PHGDH: variants seen among roughly 807,000 people sequenced by gnomAD.
The protein encoded by PHGDH is D-3-phosphoglycerate dehydrogenase.
Under a neutral mutation model 52.6 loss-of-function variants are expected in PHGDH, and 50 were observed. The ratio of observed to expected loss-of-function variants is 0.95; its 90% CI spans 0.76 to 1.20. The LOEUF is 1.20. Among genes scored for constraint, PHGDH ranks in the 50% most tolerant of loss-of-function variants. The probability of loss-of-function intolerance (pLI) is 0.00; values close to 1 mark genes in which losing one functional copy is unlikely to be tolerated. For missense variants in PHGDH, 630 were observed against 684.6 expected, an observed-to-expected ratio of 0.92 and a Z score of 0.89; for synonymous variants, 271 against 280.5, an observed-to-expected ratio of 0.97 and a Z score of 0.34.
chr1:119,713,680 CT>C (rs1335847153), intron 1 of PHGDH, among the ~76,000 whole-genome samples: 2 of 152,158 alleles, frequency 1.3e-5, no homozygotes, highest in Non-Finnish European at 2.9e-5. Flanking sequence ...CTGTCACCTC[CT>C]TTCTTGTGTG....
intron 3 of PHGDH, among the ~76,000 whole-genome samples, chr1:119,724,072 C>T (rs1651288134): frequency 6.6e-6 from 1 of 152,130 alleles, no homozygotes; most frequent in Non-Finnish European, 1.5e-5. Flanking sequence ...GTGGATGGGG[C>T]AGCCTAGAAA....
intron 5 of PHGDH, among the ~76,000 whole-genome samples, chr1:119,728,894 T>G (rs587625667): frequency 1.3e-4 from 20 of 152,324 alleles, no homozygotes; most frequent in African/African-American, 4.1e-4. Context: ...GAACTCTCCC[T>G]TTTTCTACAT....
At chr1:119,728,454 T>C (rs6668589) in intron 5 of PHGDH, among the ~76,000 whole-genome samples, 44,545 of 152,164 alleles carry the variant, frequency 0.29, 6,704 homozygotes, top group African/African-American at 0.34. Flanking sequence ...CACTATGATA[T>C]GATTGTAGAG....
chr1:119,726,958 C>G lies in PHGDH; in HGVS notation c.412-46C>G, dbSNP rs1230199331. On this transcript the variant is annotated intron_variant, in intron 4 of 11. Coordinates refer to ENST00000641023, the MANE Select transcript of PHGDH (RefSeq NM_006623.4). Reference sequence around the variant, plus strand: ...CTGGGCTCAGGGCCCGGGGTCCACTCATGTTGCTGACTTCAGCTTCTTTCC... The same window carrying G: ...CTGGGCTCAGGGCCCGGGGTCCACTGATGTTGCTGACTTCAGCTTCTTTCC... The G allele has an allele frequency of 1.9e-6, 3 of 1,605,314 alleles. No homozygotes were observed. In the African/African-American group the frequency reaches 4.0e-5, roughly 21 times the overall value.
chr1:119,716,826 C>T (rs1182564481), intron 1 of PHGDH, among the ~76,000 whole-genome samples: 1 of 152,118 alleles, frequency 6.6e-6, no homozygotes, highest in Non-Finnish European at 1.5e-5. Context: ...TGCTTACCCA[C>T]CCACTGCCCA....
chr1:119,735,024 C>T, intron 6 of PHGDH: 1 of 621,190 alleles, frequency 1.6e-6, no homozygotes, highest in South Asian at 1.9e-5. Flanking sequence ...GCAGCCCCTG[C>T]AGGGCTTTCT....
intron 10 of PHGDH, 150 bp downstream of exon 10, chr1:119,742,047 C>G: frequency 2.9e-6 from 2 of 685,982 alleles, no homozygotes; most frequent in Non-Finnish European, 5.2e-6. Context: ...GTTTCTTCAA[C>G]TGCAAAATGA....
chr1:119,727,146 A>T, intron 5 of PHGDH, 44 bp downstream of exon 5: 1 of 1,240,774 alleles, frequency 8.1e-7, no homozygotes, highest in African/African-American at 1.5e-5. Context: ...TTTCTGCAGC[A>T]ATTTTGGGAA....
intron 5 of PHGDH, among the ~76,000 whole-genome samples, chr1:119,732,546 T>TC (rs1651743459): frequency 6.6e-6 from 1 of 152,160 alleles, no homozygotes; most frequent in African/African-American, 2.4e-5. Flanking sequence ...CAGTGTTGTC[T>TC]CCTAGTGTCG....
intron 1 of PHGDH, among the ~76,000 whole-genome samples, chr1:119,717,220 G>A (rs368946265): frequency 5.3e-5 from 4 of 75,368 alleles, no homozygotes; most frequent in African/African-American, 2.2e-4. Flanking sequence ...CAATAAGAGT[G>A]AAACTCTGTC....
chr1:119,719,123 G>A (rs182221569), intron 1 of PHGDH, among the ~76,000 whole-genome samples: 1 of 152,232 alleles, frequency 6.6e-6, no homozygotes, highest in East Asian at 1.9e-4. Context: ...AGGCTGCTAT[G>A]GGGGGAAATC....
Position 119,712,041 on chromosome 1 carries a change from C to A in PHGDH, c.19C>A (p.Arg7=). 1.2e-6 allele frequency: 2 copies of A among 1,614,084 alleles called. No individual in the cohort carries two copies. The highest frequency in any genetic ancestry group is 2.2e-5 in the South Asian group (2 of 91,066). ...TCCAGCAATGGCTTTTGCAAATCTG[C>A]GGAAAGTGCTCATCAGTGACAGCCT... MAFANL[R]KVLISDSLDP... The change falls in exon 1 of 12, where the codon CGG becomes AGG. Residue 7 remains arginine, a synonymous_variant. Coordinates refer to ENST00000641023, the MANE Select transcript of PHGDH (RefSeq NM_006623.4).
intron 9 of PHGDH, among the ~76,000 whole-genome samples, 159 bp downstream of exon 9, chr1:119,740,677 G>A (rs2101217275): frequency 6.6e-6 from 1 of 152,214 alleles, no homozygotes; most frequent in East Asian, 1.9e-4. Flanking sequence ...CTGGTGGGAG[G>A]GTGGTAAAGG....
chr1:119,738,573 C>T (rs185723106), intron 8 of PHGDH, among the ~76,000 whole-genome samples: 46 of 152,348 alleles, frequency 3.0e-4, no homozygotes, highest in African/African-American at 1.1e-3. Flanking sequence ...AGATGCTGCT[C>T]GTTTCCCAGG....
chr1:119,743,017 G>A lies in PHGDH; in HGVS notation c.1420G>A (p.Asp474Asn), dbSNP rs749952154. The A allele has an allele frequency of 6.2e-7, 1 of 1,612,838 alleles. No individual in the cohort carries two copies. The change falls in exon 11 of 12, where the codon GAC becomes AAC. Residue 474 changes from aspartate to asparagine, a missense_variant. Coordinates refer to ENST00000641023, the MANE Select transcript of PHGDH (RefSeq NM_006623.4). ...GCTCCTATTCCGGACTCAGACCTCTGACCCTGCAATGCTGCCTACCATGAT... is the reference window on the plus strand; with the variant it reads ...GCTCCTATTCCGGACTCAGACCTCTAACCCTGCAATGCTGCCTACCATGAT... ...PLLLFRTQTS[D>N]PAMLPTMIGL...
At chr1:119,732,811 G>C (rs1167295273) in intron 5 of PHGDH, among the ~76,000 whole-genome samples, 1 of 152,174 alleles carries the variant, frequency 6.6e-6, no homozygotes, top group African/African-American at 2.4e-5. Context: ...CAGCCTGCAG[G>C]GTCCTTCCTC....
At chr1:119,719,688 C>T (rs1457078047) in intron 1 of PHGDH, 1 of 152,250 alleles carries the variant, frequency 6.6e-6, no homozygotes, top group Non-Finnish European at 1.5e-5. Flanking sequence ...AAATTACCCA[C>T]TGCTCTCCTT....
At chr1:119,712,648 C>G in intron 1 of PHGDH, 1 of 170,898 alleles carries the variant, frequency 5.9e-6, no homozygotes, top group Non-Finnish European at 1.3e-5. Context: ...GCCGCCCCGC[C>G]GATTCTAGCC....
At chr1:119,730,791 T>C (rs1357495450) in intron 5 of PHGDH, among the ~76,000 whole-genome samples, 1 of 152,144 alleles carries the variant, frequency 6.6e-6, no homozygotes, top group Non-Finnish European at 1.5e-5. Flanking sequence ...GATTAGTGCT[T>C]GGTGCTGTTG....
Sources: gnomAD v4.1 joint callset for allele counts (sites outside exome capture counted in the v4.1 genomes callset) on GRCh38, gnomAD v4.1.1 for gene constraint, MANE v1.5 for transcripts, NCBI Gene and HGNC (gene_info 2026-07-23, HGNC 2026-07-21) for gene names.